The following C1D variants were observed in gnomAD, a reference collection of about 807,000 sequenced individuals.
The protein encoded by C1D is nuclear nucleic acid-binding protein C1D.
Under a neutral mutation model 17.5 loss-of-function variants are expected in C1D, and 10 were observed. The ratio of observed to expected loss-of-function variants is 0.57; its 90% CI spans 0.35 to 0.97. The LOEUF is 0.97. Ranked by LOEUF, C1D falls within the 50% of genes least tolerant of loss-of-function variation. The pLI, the probability that C1D is intolerant of heterozygous loss-of-function variation, is 0.01. For missense variants in C1D, 136 were observed against 160.1 expected, an observed-to-expected ratio of 0.85 and a Z score of 0.81; for synonymous variants, 49 against 54.0, an observed-to-expected ratio of 0.91 and a Z score of 0.40.
At chr2:68,053,787 G>A (rs950361554) in intron 1 of C1D, among the ~76,000 whole-genome samples, 11 of 152,116 alleles carry the variant, frequency 7.2e-5, no homozygotes, top group East Asian at 1.9e-4. Flanking sequence ...CAAATGTGCC[G>A]TGCTCTCTCA....
chr2:68,050,339 A>G (rs1258390177), intron 1 of C1D, among the ~76,000 whole-genome samples: 3 of 152,032 alleles, frequency 2.0e-5, no homozygotes, highest in East Asian at 1.9e-4. Context: ...ATCACCCCCC[A>G]GCTAAGGCCC....
chr2:68,052,576 A>T (rs984122439), intron 1 of C1D, among the ~76,000 whole-genome samples: 5 of 152,188 alleles, frequency 3.3e-5, no homozygotes, highest in African/African-American at 1.2e-4. Flanking sequence ...CCTAAGCCCC[A>T]ATAAACAAGC....
At chr2:68,062,593 A>G (rs1671666441) in intron 1 of C1D, among the ~76,000 whole-genome samples, 1 of 152,226 alleles carries the variant, frequency 6.6e-6, no homozygotes, top group Admixed American at 6.5e-5. Context: ...GCAAGATTGA[A>G]AACAGCTGAA....
intron 1 of C1D, among the ~76,000 whole-genome samples, chr2:68,061,277 C>G (rs934599747): frequency 6.6e-6 from 1 of 152,200 alleles, no homozygotes; most frequent in Admixed American, 6.5e-5. Context: ...CTTGGGCAAA[C>G]AGTGACTCCA....
intron 1 of C1D, chr2:68,053,224 G>T (rs1168356396): frequency 6.5e-7 from 1 of 1,545,918 alleles, no homozygotes; most frequent in Non-Finnish European, 8.7e-7. Context: ...CTGAGTACCT[G>T]GGTTGCGGGG....
At chr2:68,043,551 G>A (rs1332576686) in intron 4 of C1D, among the ~76,000 whole-genome samples, 2 of 152,052 alleles carry the variant, frequency 1.3e-5, no homozygotes, top group Non-Finnish European at 2.9e-5. Flanking sequence ...TAGGGAGAAT[G>A]AAAATACAAA....
At position 68,051,211 on chromosome 2, in the gene C1D, G is replaced by A. The variant is rs571228504; in HGVS notation, c.-9-3892C>T. On this transcript the variant is annotated intron_variant, in intron 1 of 4. Coordinates refer to ENST00000410067, the MANE Select transcript of C1D (RefSeq NM_173177.3). ...CTTCCAAAGGCTTGCCACCTCATTC[G>A]ACATAAGACAAAAATCCTTACAGTG... is the stretch of plus-strand genomic sequence containing the variant. Among the ~76,000 whole-genome samples, 15 of 152,270 alleles carry A rather than the reference G, an allele frequency of 9.9e-5. No individual in the cohort carries two copies. The South Asian group carries it at 1.2e-3, about 13-fold the overall frequency.
Position 68,041,730 on chromosome 2 carries a change from T to C in C1D, c.*1159A>G, listed in dbSNP as rs1670963795. 1 of 152,052 alleles carries C rather than the reference T, an allele frequency of 6.6e-6. No homozygotes were observed. 9.4% of individuals were successfully genotyped at this position (152,052 alleles called of 1,614,324 possible). On this transcript the variant is annotated 3_prime_UTR_variant, in exon 5 of 5. Coordinates refer to ENST00000410067, the MANE Select transcript of C1D (RefSeq NM_173177.3). Reference sequence around the variant, plus strand: ...TTTATTCAAGGTTACTTATGGAGAATTAATCACACAGAAAATTTTAACAAC... The same window carrying C: ...TTTATTCAAGGTTACTTATGGAGAACTAATCACACAGAAAATTTTAACAAC...
intron 4 of C1D, among the ~76,000 whole-genome samples, chr2:68,045,385 A>T (rs1437885695): frequency 1.3e-5 from 2 of 152,192 alleles, no homozygotes; most frequent in African/African-American, 4.8e-5. Context: ...ATTTGATTTA[A>T]TTTTTGAAGT....
At chr2:68,049,895 G>T (rs1458515914) in intron 1 of C1D, among the ~76,000 whole-genome samples, 1 of 152,136 alleles carries the variant, frequency 6.6e-6, no homozygotes, top group Non-Finnish European at 1.5e-5. Context: ...AAGTTAAAAG[G>T]CAAGAGACAG....
At position 68,042,828 on chromosome 2, in the gene C1D, C is replaced by CGGGGCGGG; in HGVS notation, c.*60_*61insCCCGCCCC. 1 of 205,426 alleles carries CGGGGCGGG rather than the reference C, an allele frequency of 4.9e-6. No individual in the cohort carries two copies. The highest frequency in any genetic ancestry group is 8.8e-6 in the Non-Finnish European group (1 of 113,870). 12.7% of individuals were successfully genotyped at this position (205,426 alleles called of 1,614,324 possible). The stretch of plus-strand genomic sequence containing the variant: ...CTTGCCCTGCCACAGAATTATTTTG[C>CGGGGCGGG]GGGGGGGGGGGGGGGGGGGAAGATG... On this transcript the variant is annotated 3_prime_UTR_variant, in exon 5 of 5. Transcript: ENST00000410067.
At chr2:68,053,198 T>G in intron 1 of C1D, 1 of 1,550,072 alleles carries the variant, frequency 6.5e-7, no homozygotes, top group East Asian at 2.4e-5. Flanking sequence ...CACCACTCAG[T>G]AAGGTGTGGC....
Position 68,061,597 on chromosome 2 carries a change from T to C in C1D, c.-10+1361A>G, listed in dbSNP as rs1671628758. Among the ~76,000 whole-genome samples, 3 of 152,302 alleles carry C rather than the reference T, an allele frequency of 2.0e-5. 1 individual carries two copies. In the South Asian group the frequency reaches 6.2e-4, roughly 32 times the overall value. On this transcript the variant is annotated intron_variant, in intron 1 of 4. Transcript: ENST00000410067. The stretch of plus-strand genomic sequence containing the variant: ...ATCTTATTTCTGAAATAAGAGTATA[T>C]AGTGTTGTTGCACAGATTAAATAAA...
intron 4 of C1D, among the ~76,000 whole-genome samples, chr2:68,045,141 C>G (rs369768549): frequency 4.1e-4 from 63 of 152,124 alleles, no homozygotes; most frequent in African/African-American, 1.4e-3. Flanking sequence ...ACAGATCTGG[C>G]TTACTCATTT....
Position 68,058,959 on chromosome 2 carries a change from CAT to C in C1D, c.-10+3997_-10+3998del, listed in dbSNP as rs200715534. Among the ~76,000 whole-genome samples, 1,286 of 152,320 alleles carry C rather than the reference CAT, an allele frequency of 8.4e-3. 31 individuals are homozygous for C. Among genetic ancestry groups the C allele is most frequent in the Admixed American group, 0.044 (679 of 15,294 alleles). On this transcript the variant is annotated intron_variant, in intron 1 of 4. Coordinates refer to ENST00000410067, the MANE Select transcript of C1D (RefSeq NM_173177.3). ...TGAAGGAAGGGAATTGAGGTCCTGTCATAGTCCTTTCCCTCTACTTGGAATAC... is the reference window on the plus strand; with the variant it reads ...TGAAGGAAGGGAATTGAGGTCCTGTCAGTCCTTTCCCTCTACTTGGAATAC...
At chr2:68,043,091 C>T in intron 4 of C1D, 38 bp from the exon 5 acceptor site, 1 of 1,459,490 alleles carries the variant, frequency 6.9e-7, no homozygotes, top group Non-Finnish European at 9.4e-7. Flanking sequence ...ATTTACTAAG[C>T]TATTCGCCAC....
In C1D at chr2:68,046,105, A is replaced by G. The variant is rs1416932159; in HGVS notation, c.206-62T>C. ...TGTATTAATTTAAAACATTCCAATT[A>G]AAGAAACTAGTTATTCACAAAAAAG... is the stretch of plus-strand genomic sequence containing the variant. On this transcript the variant is annotated intron_variant, in intron 3 of 4. Transcript: ENST00000410067. 7 of 1,170,264 alleles carry G rather than the reference A, an allele frequency of 6.0e-6. No homozygotes were observed. The African/African-American group carries it at 9.5e-5, about 16-fold the overall frequency. 72.5% of individuals were successfully genotyped at this position (1,170,264 alleles called of 1,614,324 possible). A position where few individuals can be genotyped will look rare whatever the true frequency, so the allele number is the denominator to read the frequency against.
chr2:68,047,124 C>A, intron 2 of C1D, 49 bp downstream of exon 2: 1 of 1,500,264 alleles, frequency 6.7e-7, no homozygotes, highest in Non-Finnish European at 9.1e-7. Context: ...CATAAAATAG[C>A]ATTCTGTTTT....
chr2:68,046,468 A>T, intron 2 of C1D, 58 bp from the exon 3 acceptor site: 1 of 1,248,878 alleles, frequency 8.0e-7, no homozygotes, highest in Non-Finnish European at 1.2e-6. Flanking sequence ...AAAAATACAC[A>T]AACTTTGAAC....
Sources: gnomAD v4.1 joint callset for allele counts (sites outside exome capture counted in the v4.1 genomes callset) on GRCh38, gnomAD v4.1.1 for gene constraint, MANE v1.5 for transcripts, NCBI Gene and HGNC (gene_info 2026-07-23, HGNC 2026-07-21) for gene names.